GRHL2: variants seen among roughly 807,000 people sequenced by gnomAD.
The protein encoded by GRHL2 is grainyhead like transcription factor 2, also known as grainyhead-like protein 2 homolog.
A neutral mutation model predicts 83.8 loss-of-function variants in GRHL2; 21 were observed. The observed-to-expected ratio is 0.25, with a 90% CI of 0.18 to 0.36. The LOEUF (loss-of-function observed/expected upper bound fraction) is 0.36, where lower values mean the gene tolerates loss of function less well. Ranked by LOEUF, GRHL2 falls within the 10% of genes least tolerant of loss-of-function variation. The probability of loss-of-function intolerance (pLI) is 1.00; values close to 1 mark genes in which losing one functional copy is unlikely to be tolerated. For synonymous variants in GRHL2, 280 were observed against 278.9 expected (o/e 1.00, Z -0.04); for missense variants, 623 against 781.8 (o/e 0.80, Z 2.42).
intron 1 of GRHL2, among the ~76,000 whole-genome samples, chr8:101,504,031 A>T (rs887095807): frequency 1.3e-5 from 2 of 152,228 alleles, no homozygotes; most frequent in African/African-American, 4.8e-5. Context: ...TATTTAAAAA[A>T]ATTAAAGGTT....
At chr8:101,665,725 GTTC>G (rs1814036745) in intron 15 of GRHL2, among the ~76,000 whole-genome samples, 1 of 152,180 alleles carries the variant, frequency 6.6e-6, no homozygotes, top group Non-Finnish European at 1.5e-5. Flanking sequence ...CTAAGTGACT[GTTC>G]TTATTTTTAC....
chr8:101,596,162 A>G (rs1288255036), intron 7 of GRHL2, among the ~76,000 whole-genome samples: 1 of 151,958 alleles, frequency 6.6e-6, no homozygotes, highest in Admixed American at 6.5e-5. Context: ...AATAAAACAG[A>G]GAAAAAAGTG....
chr8:101,507,449 G>A (rs1471969027), intron 1 of GRHL2, among the ~76,000 whole-genome samples: 1 of 151,896 alleles, frequency 6.6e-6, no homozygotes, highest in Non-Finnish European at 1.5e-5. Flanking sequence ...AAATGTAAAA[G>A]TATCAGAAAA....
chr8:101,671,083 C>G (rs1814197918), downstream of GRHL2, among the ~76,000 whole-genome samples: 1 of 152,144 alleles, frequency 6.6e-6, no homozygotes, highest in Admixed American at 6.5e-5. Context: ...TCTACAGCTC[C>G]CAGCATGAGC....
chr8:101,514,043 G>T (rs1586408824), intron 1 of GRHL2, among the ~76,000 whole-genome samples: 1 of 152,066 alleles, frequency 6.6e-6, no homozygotes, highest in South Asian at 2.1e-4. Context: ...TCAGCTTCAG[G>T]TCTCCCTTAT....
intron 1 of GRHL2, among the ~76,000 whole-genome samples, chr8:101,534,428 G>A (rs970367048): frequency 6.6e-6 from 1 of 152,156 alleles, no homozygotes; most frequent in East Asian, 1.9e-4. Flanking sequence ...AAGGGGATGG[G>A]GTGGGAGTAG....
At chr8:101,643,312 A>G (rs988481349) in intron 12 of GRHL2, among the ~76,000 whole-genome samples, 17 of 135,750 alleles carry the variant, frequency 1.3e-4, no homozygotes, top group African/African-American at 4.3e-4. Context: ...GTAAGATTCC[A>G]TTCGGGGACA....
chr8:101,645,116 A>ATTTTTTTTTTTTTTTTTTT (rs553249046), intron 13 of GRHL2, among the ~76,000 whole-genome samples: 1 of 117,344 alleles, frequency 8.5e-6, no homozygotes, highest in African/African-American at 3.3e-5. Context: ...GCAGTACAGA[A>ATTTTTTTTTTTTTTTTTTT]TTTTTTTTTT....
rs114425283 is a variant in GRHL2, at chr8:101,645,688, G to A, written c.1612+1463G>A. Among the ~76,000 whole-genome samples, 396 of 152,170 alleles carry A rather than the reference G, an allele frequency of 2.6e-3. 1 individual carries two copies. The highest frequency in any genetic ancestry group is 8.1e-3 in the African/African-American group (335 of 41,512). On this transcript the variant is annotated intron_variant, in intron 13 of 15. Coordinates refer to ENST00000646743, the MANE Select transcript of GRHL2 (RefSeq NM_024915.4). Reference sequence around the variant, plus strand: ...ACTGAGGAGTTAATACCTGGGAGACGCTTCAGGCAGGCACCTCCCACATAG... The same window carrying A: ...ACTGAGGAGTTAATACCTGGGAGACACTTCAGGCAGGCACCTCCCACATAG...
At chr8:101,676,982 A>C in the GRHL2 span, among the ~76,000 whole-genome samples, 1 of 151,804 alleles carries the variant, frequency 6.6e-6, no homozygotes, top group South Asian at 2.1e-4. Flanking sequence ...AACACCACAT[A>C]TTCTCACTCA....
At chr8:101,624,015 TACACAG>T (rs1312613452) in intron 9 of GRHL2, among the ~76,000 whole-genome samples, 9 of 134,378 alleles carry the variant, frequency 6.7e-5, no homozygotes, top group African/African-American at 2.6e-4. Flanking sequence ...AGTAGGACAG[TACACAG>T]TAGGACAGTT....
At chr8:101,575,306 A>T (rs967058956) in intron 6 of GRHL2, among the ~76,000 whole-genome samples, 2 of 152,068 alleles carry the variant, frequency 1.3e-5, no homozygotes, top group Non-Finnish European at 2.9e-5. Context: ...GTGGGTGGTT[A>T]GTATTCTAAG....
chr8:101,522,253 T>C (rs1200587141), intron 1 of GRHL2, among the ~76,000 whole-genome samples: 1 of 152,046 alleles, frequency 6.6e-6, no homozygotes, highest in Non-Finnish European at 1.5e-5. Flanking sequence ...TAACCAGCTG[T>C]ATTTCAAAGA....
intron 1 of GRHL2, among the ~76,000 whole-genome samples, chr8:101,523,338 A>G (rs1325747213): frequency 1.3e-5 from 2 of 152,094 alleles, no homozygotes; most frequent in Non-Finnish European, 2.9e-5. Flanking sequence ...GACTGTGACC[A>G]TGCTTTTATG....
rs906731677 is a variant in GRHL2 at position 101,668,083 on chromosome 8, A to G, written c.*1380A>G. ...CTGTGAAACCAGCCTCAGGAGGGAA[A>G]CTGGGAGAGAGAAGCTGTGGTCTCC... On this transcript the variant is annotated 3_prime_UTR_variant, in exon 16 of 16. Coordinates refer to ENST00000646743, the MANE Select transcript of GRHL2 (RefSeq NM_024915.4). 1.3e-5 allele frequency: 2 copies of G among 152,528 alleles called. No homozygotes were observed. The highest frequency in any genetic ancestry group is 3.9e-4 in the East Asian group (2 of 5,194). The allele number at this position is 152,528 out of a possible 1,614,324, so 9.4% of individuals were successfully genotyped here.
chr8:101,651,918 T>A (rs1250760307), intron 14 of GRHL2, among the ~76,000 whole-genome samples: 4 of 152,178 alleles, frequency 2.6e-5, no homozygotes, highest in African/African-American at 7.2e-5. Flanking sequence ...ATGGGAAAGC[T>A]GTGCAAGAGA....
intron 8 of GRHL2, among the ~76,000 whole-genome samples, chr8:101,610,693 C>T (rs1280154556): frequency 1.3e-5 from 2 of 151,018 alleles, no homozygotes; most frequent in Non-Finnish European, 2.9e-5. Context: ...AAAGGTTAGA[C>T]AATGAGTCCA....
intron 13 of GRHL2, among the ~76,000 whole-genome samples, chr8:101,646,335 C>T (rs1265952278): frequency 6.6e-6 from 1 of 152,206 alleles, no homozygotes; most frequent in Non-Finnish European, 1.5e-5. Context: ...ATACAGAGTG[C>T]TTGGAGGTTA....
intron 1 of GRHL2, 32 bp downstream of exon 1, chr8:101,492,821 C>G (rs1255004795): frequency 6.2e-7 from 1 of 1,609,100 alleles, no homozygotes; most frequent in East Asian, 2.2e-5. Flanking sequence ...GCTGCTGCTA[C>G]TACTACCACT....
Sources: allele counts gnomAD v4.1 joint callset (sites outside exome capture counted in the v4.1 genomes callset), GRCh38; gene constraint gnomAD v4.1.1; transcripts MANE v1.5; gene names NCBI Gene and HGNC (gene_info 2026-07-23, HGNC 2026-07-21).